VEGFC: variants seen among roughly 807,000 people sequenced by gnomAD.
The protein encoded by VEGFC is vascular endothelial growth factor C, also known as FLT4 ligand DHM.
VEGFC carries 12 observed loss-of-function variants against 46.1 expected under a neutral mutation model. The observed-to-expected ratio is 0.26, with a 90% CI of 0.17 to 0.42. The LOEUF (loss-of-function observed/expected upper bound fraction) is 0.42, where lower values mean the gene tolerates loss of function less well. VEGFC is among the 10% of genes least tolerant of loss of function. The pLI is 1.00. For missense variants in VEGFC, 488 were observed against 529.4 expected, an observed-to-expected ratio of 0.92 and a Z score of 0.77; for synonymous variants, 232 against 195.5, an observed-to-expected ratio of 1.19 and a Z score of -1.56.
At chr4:176,718,606 A>G (rs1317246066) in intron 3 of VEGFC, among the ~76,000 whole-genome samples, 3 of 152,114 alleles carry the variant, frequency 2.0e-5, no homozygotes, top group Non-Finnish European at 4.4e-5. Context: ...GCTTCTATGT[A>G]TCAGAATTAG....
At chr4:176,771,638 G>A (rs73872177) in intron 1 of VEGFC, among the ~76,000 whole-genome samples, 1,766 of 152,276 alleles carry the variant, frequency 0.012, 40 homozygotes, top group African/African-American at 0.039. Flanking sequence ...TAGACACACT[G>A]CAGCAACAAG....
chr4:176,769,953 T>C (rs891603864), intron 1 of VEGFC, among the ~76,000 whole-genome samples: 3 of 152,178 alleles, frequency 2.0e-5, no homozygotes, highest in African/African-American at 7.2e-5. Context: ...TCTGGGTCCC[T>C]GAACTCCCTG....
At chr4:176,707,498 A>T (rs2110994988) in intron 4 of VEGFC, among the ~76,000 whole-genome samples, 1 of 152,264 alleles carries the variant, frequency 6.6e-6, no homozygotes, top group African/African-American at 2.4e-5. Flanking sequence ...CAATATTTTC[A>T]CAAAGAAAAA....
At chr4:176,691,219 C>T (rs1734173288) in intron 4 of VEGFC, among the ~76,000 whole-genome samples, 1 of 152,196 alleles carries the variant, frequency 6.6e-6, no homozygotes, top group South Asian at 2.1e-4. Context: ...TTGGTTATCT[C>T]CTTTACGTTT....
At chr4:176,684,417 G>C (rs781188975) in intron 6 of VEGFC, among the ~76,000 whole-genome samples, 2 of 152,132 alleles carry the variant, frequency 1.3e-5, no homozygotes, top group African/African-American at 2.4e-5. Context: ...CATGAGTCTG[G>C]GACTTGTATG....
At chr4:176,739,160 G>A (rs1735112348) in intron 1 of VEGFC, among the ~76,000 whole-genome samples, 1 of 151,906 alleles carries the variant, frequency 6.6e-6, no homozygotes, top group African/African-American at 2.4e-5. Context: ...AACAACACAT[G>A]CTGGTGGTGT....
chr4:176,707,166 T>C (rs1215415035), intron 4 of VEGFC, among the ~76,000 whole-genome samples: 1 of 152,244 alleles, frequency 6.6e-6, no homozygotes, highest in Non-Finnish European at 1.5e-5. Flanking sequence ...TTGTTTCCAG[T>C]TATTGACTAA....
chr4:176,780,391 A>AAACAAACAAACAAAC (rs1579140599), intron 1 of VEGFC, among the ~76,000 whole-genome samples: 3 of 148,598 alleles, frequency 2.0e-5, no homozygotes, highest in Non-Finnish European at 4.4e-5. Context: ...CAAAAAAAAA[A>AAACAAACAAACAAAC]AAAAAAAACT....
rs1490447581 is a variant in VEGFC at position 176,692,408 on chromosome 4, A to AAC, written c.705-4482_705-4481insGT. Among the ~76,000 whole-genome samples, 76 of 131,306 alleles carry AAC rather than the reference A, an allele frequency of 5.8e-4. 20 individuals carry two copies. The highest frequency in any genetic ancestry group is 2.8e-3 in the African/African-American group (71 of 25,252). 86.1% of individuals were successfully genotyped at this position (131,306 alleles called of 152,430 possible). ...GACTCCGTCTCAAAAACAAACAAAC[A>AAC]AACAAACAAAAAAAAAACAAAAAAC... On this transcript the variant is annotated intron_variant, in intron 4 of 6. Transcript: ENST00000618562.
chr4:176,691,347 C>T (rs999995351), intron 4 of VEGFC, among the ~76,000 whole-genome samples: 2 of 152,100 alleles, frequency 1.3e-5, no homozygotes, highest in African/African-American at 4.8e-5. Flanking sequence ...TTATAAAAGA[C>T]ATTGATTCAA....
intron 4 of VEGFC, among the ~76,000 whole-genome samples, chr4:176,692,417 A>AAC (rs1249242844): frequency 7.5e-6 from 1 of 133,026 alleles, no homozygotes; most frequent in Non-Finnish European, 1.5e-5. Flanking sequence ...CAAACAAACA[A>AAC]AAAAAAAACA....
chr4:176,693,402 T>C (rs879193090), intron 4 of VEGFC, among the ~76,000 whole-genome samples: 6 of 136,236 alleles, frequency 4.4e-5, no homozygotes, highest in Non-Finnish European at 7.5e-5. Context: ...ATGAATGAAA[T>C]GAAGCGAGAA....
At chr4:176,776,197 G>A (rs1735810800) in intron 1 of VEGFC, among the ~76,000 whole-genome samples, 1 of 152,018 alleles carries the variant, frequency 6.6e-6, no homozygotes. Flanking sequence ...GAGAAACAAA[G>A]GTAAAGTTTT....
intron 1 of VEGFC, among the ~76,000 whole-genome samples, chr4:176,732,844 C>T (rs900555268): frequency 2.6e-5 from 4 of 151,320 alleles, no homozygotes; most frequent in African/African-American, 7.3e-5. Context: ...TCCAGAAAAT[C>T]GAAATATTCT....
chr4:176,759,345 G>A (rs905009516), intron 1 of VEGFC, among the ~76,000 whole-genome samples: 2 of 152,094 alleles, frequency 1.3e-5, no homozygotes, highest in African/African-American at 4.8e-5. Flanking sequence ...AGGGCATTAT[G>A]CTTAGCAATA....
In VEGFC at chr4:176,792,020, A is replaced by G; in HGVS notation, c.147+145T>C. 8.8e-7 allele frequency: 1 copy of G among 1,140,608 alleles called. No individual in the cohort carries two copies. The highest frequency in any genetic ancestry group is 1.1e-6 in the Non-Finnish European group (1 of 887,554). The allele number at this position is 1,140,608 out of a possible 1,614,324, so 70.7% of individuals were successfully genotyped here. A position where few individuals can be genotyped will look rare whatever the true frequency, so the allele number is the denominator to read the frequency against. On this transcript the variant is annotated intron_variant, in intron 1 of 6. Coordinates refer to ENST00000618562, the MANE Select transcript of VEGFC (RefSeq NM_005429.5). The surrounding 1 kb of genome is among the most constrained non-coding windows in gnomAD (Gnocchi z 6.3). ...TTAAAAAGAAGAAGATTTTTCTCCA[A>G]AGCAGCGTGCACTGAGCTCAGTAAC... is the stretch of plus-strand genomic sequence containing the variant.
chr4:176,742,710 A>G (rs1231714660), intron 1 of VEGFC, among the ~76,000 whole-genome samples: 1 of 152,044 alleles, frequency 6.6e-6, no homozygotes, highest in Non-Finnish European at 1.5e-5. Context: ...TCAAAATGGC[A>G]TATCACCATC....
At chr4:176,708,219 A>G (rs1004459943) in intron 4 of VEGFC, among the ~76,000 whole-genome samples, 14 of 151,704 alleles carry the variant, frequency 9.2e-5, no homozygotes, top group African/African-American at 3.1e-4. Context: ...ATTCATATCA[A>G]TTGTTACTTT....
intron 1 of VEGFC, among the ~76,000 whole-genome samples, chr4:176,769,398 C>T (rs1735686533): frequency 6.6e-6 from 1 of 152,126 alleles, no homozygotes; most frequent in African/African-American, 2.4e-5. Flanking sequence ...GCGGTCTCAC[C>T]TGTGACCATC....
Sources: gnomAD v4.1 joint callset for allele counts (sites outside exome capture counted in the v4.1 genomes callset) on GRCh38, gnomAD v4.1.1 for gene constraint, Gnocchi (gnomAD v3.1) non-coding constraint, MANE v1.5 for transcripts, NCBI Gene and HGNC (gene_info 2026-07-23, HGNC 2026-07-21) for gene names.